Variants in SF3B1 observed in about 807,000 individuals in gnomAD.
SF3B1 encodes pre-mRNA processing 10.
In SF3B1, 12 loss-of-function variants were observed where a neutral mutation model predicts 153.8. That is an observed-to-expected ratio of 0.08 (90% CI 0.05 to 0.13). The LOEUF (loss-of-function observed/expected upper bound fraction) is 0.13, where lower values mean the gene tolerates loss of function less well. Among genes scored for constraint, SF3B1 ranks in the 10% least tolerant of loss-of-function variants. The pLI, the probability that SF3B1 is intolerant of heterozygous loss-of-function variation, is 1.00. For synonymous variants in SF3B1, 498 were observed against 525.2 expected (o/e 0.95, Z 0.71); for missense variants, 513 against 1,606.1 (o/e 0.32, Z 11.63).
intron 23 of SF3B1, among the ~76,000 whole-genome samples, chr2:197,394,788 C>T (rs541543996): frequency 3.0e-4 from 45 of 152,238 alleles, no homozygotes; most frequent in African/African-American, 1.1e-3. Flanking sequence ...GCCTGTAGTC[C>T]CAGCTACTTG....
chr2:197,400,180 A>C lies in SF3B1; in HGVS notation c.2902-14T>G. On this transcript the variant is annotated splice_polypyrimidine_tract_variant and intron_variant, in intron 19 of 24. Coordinates refer to ENST00000335508, the MANE Select transcript of SF3B1 (RefSeq NM_012433.4). The surrounding 1 kb of genome is among the most constrained non-coding windows in gnomAD (Gnocchi z 5.0). ...CATCAATTTTTCCTATAATAAAACA[A>C]ATAATGTTAAAATGTTACTATTTAC... 1 of 1,083,288 alleles carries C rather than the reference A, an allele frequency of 9.2e-7. No homozygotes were observed. Among genetic ancestry groups the C allele is most frequent in the South Asian group, 1.4e-5 (1 of 70,878 alleles). 67.1% of individuals were successfully genotyped at this position (1,083,288 alleles called of 1,614,324 possible).
chr2:197,400,035 G>A lies in SF3B1; in HGVS notation c.3013+20C>T. 1 of 1,445,770 alleles carries A rather than the reference G, an allele frequency of 6.9e-7. No individual in the cohort carries two copies. The highest frequency in any genetic ancestry group is 9.6e-7 in the Non-Finnish European group (1 of 1,040,968). 89.6% of individuals were successfully genotyped at this position (1,445,770 alleles called of 1,614,324 possible). A position where few individuals can be genotyped will look rare whatever the true frequency, so the allele number is the denominator to read the frequency against. On this transcript the variant is annotated intron_variant, in intron 20 of 24. Coordinates refer to ENST00000335508, the MANE Select transcript of SF3B1 (RefSeq NM_012433.4). This position sits in a 1 kb window ranked among gnomAD's most constrained non-coding sequence, Gnocchi z 5.0. The stretch of plus-strand genomic sequence containing the variant: ...AAGTTAAAACAAGAAAAAGTCTTAT[G>A]TAACCAGCAAATTCCATACCTATGA...
chr2:197,430,940 G>A (rs1574561562), intron 1 of SF3B1, among the ~76,000 whole-genome samples: 1 of 151,964 alleles, frequency 6.6e-6, no homozygotes, highest in Non-Finnish European at 1.5e-5. Context: ...GATTACATGC[G>A]TGAGCAACCC....
intron 23 of SF3B1, 46 bp downstream of exon 23, chr2:197,396,010 A>G: frequency 1.4e-6 from 2 of 1,480,410 alleles, no homozygotes; most frequent in South Asian, 2.5e-5. Flanking sequence ...TCTAAAATGA[A>G]GGAAGAGTTA....
intron 1 of SF3B1, among the ~76,000 whole-genome samples, chr2:197,429,493 C>G (rs1442463048): frequency 6.6e-6 from 1 of 152,010 alleles, no homozygotes; most frequent in Non-Finnish European, 1.5e-5. Context: ...GTTTTAATAA[C>G]ACTAAGGCAG....
Position 197,402,417 on chromosome 2 carries a change from G to A in SF3B1, c.2077+139C>T, listed in dbSNP as rs1259551914. 2.6e-6 allele frequency: 2 copies of A among 767,678 alleles called. No homozygotes were observed. The highest frequency in any genetic ancestry group is 4.1e-6 in the Non-Finnish European group (2 of 488,250). The allele number at this position is 767,678 out of a possible 1,614,324, so 47.6% of individuals were successfully genotyped here. ...TATTAAACATGGACAGGCTGTGTGT[G>A]TACCTCTAGTCCCAACTACTAAGGA... is the stretch of plus-strand genomic sequence containing the variant. On this transcript the variant is annotated intron_variant, in intron 14 of 24. Coordinates refer to ENST00000335508, the MANE Select transcript of SF3B1 (RefSeq NM_012433.4). The surrounding 1 kb of genome is among the most constrained non-coding windows in gnomAD (Gnocchi z 4.6).
At chr2:197,398,641 T>C in intron 20 of SF3B1, 60 bp from the exon 21 acceptor site, 3 of 1,503,502 alleles carry the variant, frequency 2.0e-6, no homozygotes, top group Non-Finnish European at 2.8e-6. Context: ...TTCACTTTCC[T>C]TTTACTTAGC....
chr2:197,410,128 G>C (rs925137033), intron 6 of SF3B1, 121 bp from the exon 7 acceptor site: 9 of 623,804 alleles, frequency 1.4e-5, no homozygotes, highest in Non-Finnish European at 2.2e-5. Flanking sequence ...TTAATGAAAA[G>C]TTAGAAGACA....
chr2:197,421,738 G>C lies in SF3B1; in HGVS notation c.196-605C>G, dbSNP rs144745425. Among the ~76,000 whole-genome samples, 677 of 152,208 alleles carry C rather than the reference G, an allele frequency of 4.4e-3. 8 individuals are homozygous for C. The highest frequency in any genetic ancestry group is 0.015 in the African/African-American group (626 of 41,514). Reference sequence around the variant, plus strand: ...TCACATCTATAATCCCAACACTTTGGGAGGCCGAGGCAAGGGACTAATTGA... The same window carrying C: ...TCACATCTATAATCCCAACACTTTGCGAGGCCGAGGCAAGGGACTAATTGA... On this transcript the variant is annotated intron_variant, in intron 2 of 24. Coordinates refer to ENST00000335508, the MANE Select transcript of SF3B1 (RefSeq NM_012433.4).
chr2:197,408,321 A>T, intron 8 of SF3B1, 48 bp downstream of exon 8: 1 of 1,556,860 alleles, frequency 6.4e-7, no homozygotes, highest in Non-Finnish European at 8.8e-7. Context: ...GAAAAAATTA[A>T]ATAATTTATG....
rs1553563324 is a variant in SF3B1, at chr2:197,392,574, G to GGT, written c.3757-114_3757-113insAC. ...AAATTATTTCCCTTGGGGAGTTGGG[G>GGT]GGGGGGGAACCTACTAATTACACTG... On this transcript the variant is annotated intron_variant, in intron 24 of 24. Coordinates refer to ENST00000335508, the MANE Select transcript of SF3B1 (RefSeq NM_012433.4). The GGT allele has an allele frequency of 5.1e-5, 18 of 354,548 alleles. 1 individual carries two copies. Among genetic ancestry groups the GGT allele is most frequent in the African/African-American group, 2.1e-4 (9 of 43,676 alleles). 22.0% of individuals were successfully genotyped at this position (354,548 alleles called of 1,614,324 possible).
At chr2:197,397,106 C>G (rs1294894827) in intron 22 of SF3B1, among the ~76,000 whole-genome samples, 3 of 152,140 alleles carry the variant, frequency 2.0e-5, no homozygotes, top group African/African-American at 7.2e-5. Context: ...AGCAAACCAC[C>G]ACAGATTATC....
chr2:197,403,304 G>A (rs756591519), intron 12 of SF3B1, among the ~76,000 whole-genome samples: 2 of 151,974 alleles, frequency 1.3e-5, no homozygotes, highest in African/African-American at 4.8e-5. Context: ...AATTACCATC[G>A]GTGAAAAAAC....
intron 20 of SF3B1, 132 bp downstream of exon 20, chr2:197,399,923 C>A: frequency 3.1e-6 from 2 of 637,604 alleles, no homozygotes; most frequent in Non-Finnish European, 5.5e-6. Context: ...CCCGACTTAA[C>A]TACAATCTTG....
At chr2:197,413,406 A>AAAAATT (rs1193432928) in intron 6 of SF3B1, among the ~76,000 whole-genome samples, 1 of 152,244 alleles carries the variant, frequency 6.6e-6, no homozygotes, top group African/African-American at 2.4e-5. Context: ...ACTCTGTCTC[A>AAAAATT]AAAATTAAAA....
chr2:197,427,412 T>A (rs1421727379), intron 1 of SF3B1, among the ~76,000 whole-genome samples: 1 of 152,248 alleles, frequency 6.6e-6, no homozygotes, highest in Non-Finnish European at 1.5e-5. Flanking sequence ...CACCATGTGA[T>A]CCATAAAATT....
chr2:197,425,793 A>C (rs951988890), intron 1 of SF3B1, among the ~76,000 whole-genome samples: 2 of 151,374 alleles, frequency 1.3e-5, no homozygotes, highest in Non-Finnish European at 2.9e-5. Context: ...TGAGCCCAGG[A>C]GTTCAAAACC....
intron 23 of SF3B1, among the ~76,000 whole-genome samples, chr2:197,395,422 T>C (rs2105976903): frequency 6.6e-6 from 1 of 152,342 alleles, no homozygotes; most frequent in South Asian, 2.1e-4. Flanking sequence ...GAGTAACTTA[T>C]CTCTCCTGAA....
At chr2:197,431,084 C>G (rs1279355003) in intron 1 of SF3B1, among the ~76,000 whole-genome samples, 2 of 149,446 alleles carry the variant, frequency 1.3e-5, no homozygotes, top group Non-Finnish European at 3.0e-5. Context: ...CCTCTGATTT[C>G]CCCTCCTGTG....
Sources: gnomAD v4.1 joint callset for allele counts (sites outside exome capture counted in the v4.1 genomes callset) on GRCh38, gnomAD v4.1.1 for gene constraint, Gnocchi (gnomAD v3.1) non-coding constraint, MANE v1.5 for transcripts, NCBI Gene and HGNC (gene_info 2026-07-23, HGNC 2026-07-21) for gene names.